The following MRPS27 variants were observed in gnomAD, a reference collection of about 807,000 sequenced individuals.
MRPS27 encodes the protein mitochondrial ribosomal protein S27.
In MRPS27, 43 loss-of-function variants were observed where a neutral mutation model predicts 48.9. The observed-to-expected ratio is 0.88, with a 90% confidence interval of 0.69 to 1.13. MRPS27 has a LOEUF of 1.13. Ranked by LOEUF, MRPS27 falls within the 50% of genes most tolerant of loss-of-function variation. The probability of loss-of-function intolerance (pLI) is 0.00; values close to 1 mark genes in which losing one functional copy is unlikely to be tolerated. For missense variants in MRPS27, 467 were observed against 476.3 expected (o/e 0.98, Z 0.18); for synonymous variants, 188 against 171.9 (o/e 1.09, Z -0.73).
intron 4 of MRPS27, among the ~76,000 whole-genome samples, chr5:72,278,961 A>G (rs1381091623): frequency 6.6e-6 from 1 of 152,216 alleles, no homozygotes; most frequent in Non-Finnish European, 1.5e-5. Flanking sequence ...ACAGTCTTAT[A>G]ACTTAATCCT....
At chr5:72,224,649 T>C (rs1747846116) in intron 9 of MRPS27, among the ~76,000 whole-genome samples, 1 of 152,188 alleles carries the variant, frequency 6.6e-6, no homozygotes, top group Admixed American at 6.5e-5. Context: ...TTAGCTCACA[T>C]GGTATCTGTA....
intron 4 of MRPS27, among the ~76,000 whole-genome samples, chr5:72,255,836 C>T (rs1027454356): frequency 3.3e-5 from 5 of 152,286 alleles, no homozygotes; most frequent in Non-Finnish European, 5.9e-5. Flanking sequence ...CTGCCTGACG[C>T]TAAAATAGGT....
intron 3 of MRPS27, 137 bp from the exon 4 acceptor site, chr5:72,295,726 A>AGCATTCTTAG: frequency 1.5e-6 from 1 of 658,712 alleles, no homozygotes; most frequent in South Asian, 1.9e-5. Context: ...TAGTGGAACA[A>AGCATTCTTAG]TGTTCACGTG....
At chr5:72,288,602 A>G (rs535282418) in intron 4 of MRPS27, among the ~76,000 whole-genome samples, 11 of 152,364 alleles carry the variant, frequency 7.2e-5, no homozygotes, top group African/African-American at 2.6e-4. Flanking sequence ...TTTCCAGTAC[A>G]GAGCTATTAA....
chr5:72,285,851 TATA>T (rs1024042730), intron 4 of MRPS27, among the ~76,000 whole-genome samples: 80 of 152,188 alleles, frequency 5.3e-4, no homozygotes, highest in African/African-American at 1.9e-3. Flanking sequence ...GTTGGGATTA[TATA>T]ATATCCTTCC....
intron 4 of MRPS27, among the ~76,000 whole-genome samples, chr5:72,279,773 T>TA (rs1301410013): frequency 1.3e-5 from 2 of 152,006 alleles, no homozygotes; most frequent in African/African-American, 4.8e-5. Context: ...TGTGTCTTGT[T>TA]CAAAAAAAAA....
Position 72,295,714 on chromosome 5 carries a change from C to T in MRPS27, c.223-125G>A. 14 of 685,430 alleles carry T rather than the reference C, an allele frequency of 2.0e-5. No homozygotes were observed. In the South Asian group the frequency reaches 2.5e-4, roughly 12 times the overall value. 42.5% of individuals were successfully genotyped at this position (685,430 alleles called of 1,614,324 possible). On this transcript the variant is annotated intron_variant, in intron 3 of 10. Coordinates refer to ENST00000261413, the MANE Select transcript of MRPS27 (RefSeq NM_015084.3). ...CCATTTTATTGGAACGATGGTGATG[C>T]TTAGTGGAACAATGTTCACGTGGTA...
chr5:72,320,186 C>T lies in MRPS27; in HGVS notation c.36G>A (p.Leu12=). Residue 12 remains leucine (L), a synonymous_variant, in exon 1 of 11, where the codon CTG becomes CTA. Coordinates refer to ENST00000261413, the MANE Select transcript of MRPS27 (RefSeq NM_015084.3). ...AASIVRRGML[L]ARQVVLPQLS... ...GCTGAGGAAGAACCACTTGCCGCGC[C>T]AGGAGCATCCCGCGCCGCACTATGG... 3 of 1,614,032 alleles carry T rather than the reference C, an allele frequency of 1.9e-6. No homozygotes were observed. Among genetic ancestry groups the T allele is most frequent in the Non-Finnish European group, 2.5e-6 (3 of 1,179,912 alleles).
At chr5:72,261,242 C>CGTAT (rs201550582) in intron 4 of MRPS27, among the ~76,000 whole-genome samples, 140 of 151,826 alleles carry the variant, frequency 9.2e-4, no homozygotes, top group East Asian at 6.2e-3. Flanking sequence ...GATCAGGAAA[C>CGTAT]GTATGTATGT....
chr5:72,279,989 C>T (rs1406088592), intron 4 of MRPS27, among the ~76,000 whole-genome samples: 1 of 152,086 alleles, frequency 6.6e-6, no homozygotes, highest in East Asian at 1.9e-4. Flanking sequence ...TTAACTAATC[C>T]ATTCTTCGCC....
rs1227275413 is a variant in MRPS27 at position 72,232,555 on chromosome 5, GC to G, written c.478del (p.Ala160LeufsTer9). The G allele has an allele frequency of 6.3e-7, 1 of 1,599,704 alleles. No homozygotes were observed. Among genetic ancestry groups the G allele is most frequent in the Admixed American group, 1.7e-5 (1 of 59,230 alleles). Reference sequence around the variant, plus strand: ...CATGACCTCAAAAACCACAGATAAAGCATCTAGCAGAAGATGAAAGTAAAAA... The same window carrying G: ...CATGACCTCAAAAACCACAGATAAAGATCTAGCAGAAGATGAAAGTAAAAA... The part of the protein sequence containing the change: ...SFIKKENYKD[A>X]LSVVFEVMMQ... On this transcript the variant is annotated frameshift_variant and splice_region_variant, in exon 7 of 11. Coordinates refer to ENST00000261413, the MANE Select transcript of MRPS27 (RefSeq NM_015084.3). LOFTEE classifies it high-confidence loss of function.
chr5:72,223,806 A>C lies in MRPS27; in HGVS notation c.882T>G (p.Asp294Glu). 6.2e-7 allele frequency: 1 copy of C among 1,614,028 alleles called. No homozygotes were observed. The highest frequency in any genetic ancestry group is 8.5e-7 in the Non-Finnish European group (1 of 1,179,948). ...GAVLKALTSA[D>E]GASEEQSQND... is the part of the protein sequence containing the mutation. ...TTTGGGACTGCTCCTCTGAAGCCCC[A>C]TCAGCTGAAGTCAGAGCCTTCAGCA... The change falls in exon 10 of 11, where the codon GAT (aspartate) becomes GAG (glutamate). Residue 294 changes from aspartate (D) to glutamate (E), a missense_variant. Coordinates refer to ENST00000261413, the MANE Select transcript of MRPS27 (RefSeq NM_015084.3).
intron 4 of MRPS27, among the ~76,000 whole-genome samples, chr5:72,269,352 G>A (rs1287463790): frequency 1.3e-5 from 2 of 152,162 alleles, no homozygotes; most frequent in Non-Finnish European, 1.5e-5. Context: ...CTCGCCCCCT[G>A]CTGGAGAAAG....
intron 2 of MRPS27, among the ~76,000 whole-genome samples, chr5:72,302,583 C>A (rs1466075818): frequency 6.6e-6 from 1 of 152,154 alleles, no homozygotes; most frequent in Admixed American, 6.5e-5. Context: ...AACAAAATAT[C>A]AATTTTCCCC....
chr5:72,227,927 C>G, intron 8 of MRPS27: 1 of 337,968 alleles, frequency 3.0e-6, no homozygotes, highest in East Asian at 4.4e-5. Flanking sequence ...ACAGAAAGAT[C>G]TTTGTTAATA....
At chr5:72,246,167 A>G (rs879512217) in intron 4 of MRPS27, among the ~76,000 whole-genome samples, 1 of 152,250 alleles carries the variant, frequency 6.6e-6, no homozygotes, top group Non-Finnish European at 1.5e-5. Context: ...CTAAGACTGC[A>G]TAAATACCCA....
intron 6 of MRPS27, 133 bp from the exon 7 acceptor site, chr5:72,232,691 C>A: frequency 1.6e-6 from 1 of 614,152 alleles, no homozygotes; most frequent in Non-Finnish European, 2.8e-6. Context: ...GTAAAATATG[C>A]GGGCTTAGGC....
chr5:72,259,358 C>T (rs376913481), intron 4 of MRPS27, among the ~76,000 whole-genome samples: 14 of 151,472 alleles, frequency 9.2e-5, no homozygotes, highest in African/African-American at 3.4e-4. Flanking sequence ...ATACCAGCTA[C>T]TTGGGAGGCT....
intron 1 of MRPS27, among the ~76,000 whole-genome samples, chr5:72,319,093 A>C (rs1750659970): frequency 6.6e-6 from 1 of 152,198 alleles, no homozygotes; most frequent in Non-Finnish European, 1.5e-5. Context: ...GGTAGGTTGG[A>C]AAGGGAAGAT....
Sources: gnomAD v4.1 joint callset for allele counts (sites outside exome capture counted in the v4.1 genomes callset) on GRCh38, gnomAD v4.1.1 for gene constraint, MANE v1.5 for transcripts, NCBI Gene and HGNC (gene_info 2026-07-23, HGNC 2026-07-21) for gene names.